PDZD2: variants seen among roughly 807,000 people sequenced by gnomAD.
PDZD2 encodes the protein PDZ domain containing 2.
In PDZD2, 90 loss-of-function variants were observed where a neutral mutation model predicts 220.7. The ratio of observed to expected loss-of-function variants is 0.41; its 90% CI spans 0.34 to 0.49. The LOEUF is 0.49. Among genes scored for constraint, PDZD2 ranks in the 20% least tolerant of loss-of-function variants. The pLI is 0.28. For synonymous variants in PDZD2, 1,375 were observed against 1,450.5 expected, an observed-to-expected ratio of 0.95 and a Z score of 1.18; for missense variants, 3,174 against 3,608.5, an observed-to-expected ratio of 0.88 and a Z score of 3.08.
At chr5:31,725,887 A>G in intron 1 of PDZD2, 2 of 747,402 alleles carry the variant, frequency 2.7e-6, no homozygotes, top group East Asian at 2.5e-5. Flanking sequence ...TTTTTCTAGG[A>G]CTATACAATC....
chr5:31,860,907 G>T (rs934860660), intron 2 of PDZD2, among the ~76,000 whole-genome samples: 1 of 152,164 alleles, frequency 6.6e-6, no homozygotes, highest in African/African-American at 2.4e-5. Flanking sequence ...CCATTGCGTG[G>T]TGGTGTGGTC....
chr5:32,013,078 T>A (rs1018123390), intron 6 of PDZD2, among the ~76,000 whole-genome samples: 1 of 152,092 alleles, frequency 6.6e-6, no homozygotes, highest in South Asian at 2.1e-4. Context: ...TCTTTAAGCA[T>A]ATTTGTATTT....
intron 1 of PDZD2, among the ~76,000 whole-genome samples, chr5:31,698,484 A>G (rs189294119): frequency 6.6e-6 from 1 of 151,142 alleles, no homozygotes; most frequent in East Asian, 2.0e-4. Context: ...CTGTAGTCCC[A>G]GCTACTCGGG....
intron 1 of PDZD2, among the ~76,000 whole-genome samples, chr5:31,741,199 A>G (rs937104207): frequency 1.0e-4 from 10 of 97,776 alleles, no homozygotes; most frequent in African/African-American, 3.8e-4. Flanking sequence ...GTGTACACAC[A>G]CACACACACA....
chr5:31,853,365 C>A (rs1758172645), intron 2 of PDZD2, among the ~76,000 whole-genome samples: 1 of 152,196 alleles, frequency 6.6e-6, no homozygotes, highest in African/African-American at 2.4e-5. Context: ...CCCAAAACTT[C>A]TTGAAATAAA....
chr5:32,059,908 A>G (rs979997130), intron 13 of PDZD2, among the ~76,000 whole-genome samples: 5 of 152,230 alleles, frequency 3.3e-5, no homozygotes, highest in African/African-American at 9.6e-5. Context: ...GTTGAGTTGT[A>G]ACATGGGCGT....
At chr5:31,975,675 C>G (rs956872346) in intron 2 of PDZD2, among the ~76,000 whole-genome samples, 8 of 152,230 alleles carry the variant, frequency 5.3e-5, no homozygotes, top group Admixed American at 5.2e-4. Flanking sequence ...TAGACTCTGA[C>G]CTGTTTTCAA....
At chr5:31,700,552 G>T (rs1372965612) in intron 1 of PDZD2, among the ~76,000 whole-genome samples, 1 of 152,162 alleles carries the variant, frequency 6.6e-6, no homozygotes, top group Non-Finnish European at 1.5e-5. Context: ...CAGGGTTGCC[G>T]CATTCCCTGC....
At chr5:31,730,303 G>C (rs1278733439) in intron 1 of PDZD2, among the ~76,000 whole-genome samples, 2 of 152,116 alleles carry the variant, frequency 1.3e-5, no homozygotes, top group African/African-American at 2.4e-5. Flanking sequence ...TCTAATTTTA[G>C]AGCCCATGAG....
At chr5:31,792,626 C>G (rs1253523090) in intron 1 of PDZD2, among the ~76,000 whole-genome samples, 1 of 151,954 alleles carries the variant, frequency 6.6e-6, no homozygotes, top group African/African-American at 2.4e-5. Flanking sequence ...CCGTGTTGCC[C>G]AGGCTGATCT....
chr5:31,869,821 T>G (rs1425369389), intron 2 of PDZD2, among the ~76,000 whole-genome samples: 5 of 152,136 alleles, frequency 3.3e-5, no homozygotes, highest in African/African-American at 1.2e-4. Context: ...ACAGTCTTAA[T>G]TCCTGCTGTC....
chr5:31,712,104 T>C (rs451644), intron 1 of PDZD2: 126,103 of 152,420 alleles, frequency 0.83, 52,519 homozygotes, highest in East Asian at 0.94. Flanking sequence ...AAGGCCAGGG[T>C]ACTTATAGGG....
chr5:31,918,063 C>T (rs1267069118), intron 2 of PDZD2, among the ~76,000 whole-genome samples: 1 of 152,142 alleles, frequency 6.6e-6, no homozygotes, highest in Non-Finnish European at 1.5e-5. Context: ...GAAGCAGGCA[C>T]ATCTTAAATG....
rs1414911614 is a variant in PDZD2 at position 32,088,751 on chromosome 5, G to C, written c.5303G>C (p.Gly1768Ala). 6.2e-7 allele frequency: 1 copy of C among 1,614,064 alleles called. No homozygotes were observed. The highest frequency in any genetic ancestry group is 1.1e-5 in the South Asian group (1 of 91,068). Reference sequence around the variant, plus strand: ...TTCAGTGTGGATGTCCCTAAGAATGGAGAATCTGTTTTGGAAAACCTCCAC... The same window carrying C: ...TTCAGTGTGGATGTCCCTAAGAATGCAGAATCTGTTTTGGAAAACCTCCAC... ...SSFSVDVPKN[G>A]ESVLENLHIS... is the part of the protein sequence containing the mutation. The change falls in exon 20 of 25, where the codon GGA (glycine) becomes GCA (alanine). Residue 1768 changes from glycine to alanine, a missense_variant. Gly to Ala is a moderately conservative substitution (Grantham distance 60, BLOSUM62 0). Around this residue, in one of 4 missense-constraint regions of PDZD2, gnomAD observed 1,861 missense variants for 2,001.0 expected, o/e 0.93. Coordinates refer to ENST00000438447, the MANE Select transcript of PDZD2 (RefSeq NM_178140.4). This position sits in a 1 kb window ranked among gnomAD's most constrained non-coding sequence, Gnocchi z 4.6.
In PDZD2 at chr5:32,044,244, G is replaced by A. The variant is rs922180826; in HGVS notation, c.1520-4295G>A. ...CTCGGGAGGCTGAGACAGGAGAATC[G>A]CTTGAACCCAGGAAGCGGAGGTTTC... On this transcript the variant is annotated intron_variant, in intron 7 of 24. Coordinates refer to ENST00000438447, the MANE Select transcript of PDZD2 (RefSeq NM_178140.4). Among the ~76,000 whole-genome samples, 13 of 152,220 alleles carry A rather than the reference G, an allele frequency of 8.5e-5. No individual in the cohort carries two copies. The East Asian group carries it at 1.9e-3, about 23-fold the overall frequency.
In PDZD2 at chr5:31,904,404, A is replaced by G. The variant is rs529808188; in HGVS notation, c.477-78751A>G. Among the ~76,000 whole-genome samples, 75 of 152,360 alleles carry G rather than the reference A, an allele frequency of 4.9e-4. 1 individual carries two copies. Among genetic ancestry groups the G allele is most frequent in the Non-Finnish European group, 8.8e-5 (6 of 68,032 alleles). ...TATCTTCCCAGGGCCTTTTAAATGA[A>G]CCAGTATTTATAAACATTCCAATAC... On this transcript the variant is annotated intron_variant, in intron 2 of 24. Transcript: ENST00000438447.
At chr5:31,679,458 T>C (rs437499) in intron 1 of PDZD2, among the ~76,000 whole-genome samples, 51,269 of 151,510 alleles carry the variant, frequency 0.34, 8,695 homozygotes, top group South Asian at 0.44. Context: ...AGATGCTTCT[T>C]GTTGTACTGT....
intron 2 of PDZD2, chr5:31,840,773 A>C: frequency 1.2e-6 from 1 of 807,954 alleles, no homozygotes. Flanking sequence ...CATGCTGGGG[A>C]ACATTGTAGA....
intron 2 of PDZD2, among the ~76,000 whole-genome samples, chr5:31,821,820 A>G (rs900633180): frequency 1.4e-5 from 2 of 146,168 alleles, no homozygotes; most frequent in African/African-American, 5.2e-5. Flanking sequence ...TGCATTAGCT[A>G]TTTGTCCTAT....
Sources: allele counts gnomAD v4.1 joint callset (sites outside exome capture counted in the v4.1 genomes callset), GRCh38; gene constraint gnomAD v4.1.1; regional missense constraint gnomAD v4.1.1; non-coding constraint Gnocchi (gnomAD v3.1); transcripts MANE v1.5; gene names NCBI Gene and HGNC (gene_info 2026-07-23, HGNC 2026-07-21).